MDFIC2: variants seen among roughly 807,000 people sequenced by gnomAD.
MDFIC2 encodes MyoD family inhibitor domain containing 2.
chr3:70,215,401 C>A (rs1237227468), intron 2 of MDFIC2, among the ~76,000 whole-genome samples: 1 of 152,104 alleles, frequency 6.6e-6, no homozygotes, highest in Non-Finnish European at 1.5e-5. Context: ...TGCTTTGTCC[C>A]TTCTGACTTA....
chr3:70,264,824 G>A (rs995816773), intron 2 of MDFIC2, among the ~76,000 whole-genome samples: 1 of 152,136 alleles, frequency 6.6e-6, no homozygotes, highest in Non-Finnish European at 1.5e-5. Flanking sequence ...TAGGGACATC[G>A]GGGATGTATT....
intron 3 of MDFIC2, 97 bp downstream of exon 3, chr3:70,206,472 A>G: frequency 2.5e-6 from 1 of 395,812 alleles, no homozygotes; most frequent in Non-Finnish European, 4.5e-6. Flanking sequence ...TAATATTCAT[A>G]AGGACTTTTT....
chr3:70,274,092 C>CGT (rs1260177672), intron 2 of MDFIC2, among the ~76,000 whole-genome samples: 19 of 138,428 alleles, frequency 1.4e-4, no homozygotes, highest in South Asian at 2.6e-4. Flanking sequence ...TGTGTGTGTG[C>CGT]GCGCGCGCAT....
At chr3:70,302,072 T>C (rs1054509316) in intron 2 of MDFIC2, among the ~76,000 whole-genome samples, 2 of 152,158 alleles carry the variant, frequency 1.3e-5, no homozygotes, top group African/African-American at 4.8e-5. Flanking sequence ...ACTATACTTC[T>C]ATGAGTTGTC....
At chr3:70,227,967 T>C (rs564547329) in intron 2 of MDFIC2, among the ~76,000 whole-genome samples, 1 of 151,838 alleles carries the variant, frequency 6.6e-6, no homozygotes, top group South Asian at 2.1e-4. Flanking sequence ...ATAACATTCA[T>C]AGTAAGTATA....
At chr3:70,200,297 C>A (rs949459285) in intron 3 of MDFIC2, among the ~76,000 whole-genome samples, 1 of 152,174 alleles carries the variant, frequency 6.6e-6, no homozygotes, top group African/African-American at 2.4e-5. Context: ...ACAACTCACT[C>A]TCCCCTTAGA....
rs554534040 is a variant in MDFIC2, at chr3:70,259,994, A to G, written c.88+51892T>C. ...TGAGAACCCACTCACTATCACGAGA[A>G]CAGCGTGATCCAATTACCTCTATCT... On this transcript the variant is annotated intron_variant, in intron 2 of 3. Coordinates refer to ENST00000567252, the MANE Select transcript of MDFIC2 (RefSeq NM_001364677.1). Among the ~76,000 whole-genome samples, 23 of 152,290 alleles carry G rather than the reference A, an allele frequency of 1.5e-4. 1 individual carries two copies. In the East Asian group the frequency reaches 3.5e-3, roughly 23 times the overall value.
At chr3:70,215,257 C>T (rs1285253980) in intron 2 of MDFIC2, among the ~76,000 whole-genome samples, 1 of 152,056 alleles carries the variant, frequency 6.6e-6, no homozygotes, top group Admixed American at 6.6e-5. Context: ...CAAGATTACC[C>T]CGCTGGTAAG....
rs115911111 is a variant in MDFIC2 at position 70,229,266 on chromosome 3, G to A, written c.89-22476C>T. 6.5e-3 allele frequency among the ~76,000 whole-genome samples: 984 copies of A among 152,298 alleles called. 6 individuals are homozygous for A. Among genetic ancestry groups the A allele is most frequent in the African/African-American group, 0.023 (937 of 41,566 alleles). On this transcript the variant is annotated intron_variant, in intron 2 of 3. Transcript: ENST00000567252. ...TTCCAGAGATAGCCAAGGAGGGTGA[G>A]TGTGTGAAAGAATTTAGTGGGCAAC... is the stretch of plus-strand genomic sequence containing the variant.
intron 2 of MDFIC2, among the ~76,000 whole-genome samples, chr3:70,295,083 G>A (rs953519910): frequency 6.6e-6 from 1 of 152,124 alleles, no homozygotes; most frequent in African/African-American, 2.4e-5. Flanking sequence ...ATTGGCAAGG[G>A]CAGTGGGACC....
At chr3:70,310,469 G>A (rs1043138673) in intron 2 of MDFIC2, among the ~76,000 whole-genome samples, 1 of 151,894 alleles carries the variant, frequency 6.6e-6, no homozygotes, top group South Asian at 2.1e-4. Flanking sequence ...CAGTTCAAGC[G>A]ATTATCCTGC....
At chr3:70,233,753 T>A (rs987841320) in intron 2 of MDFIC2, among the ~76,000 whole-genome samples, 2 of 152,166 alleles carry the variant, frequency 1.3e-5, no homozygotes, top group Non-Finnish European at 2.9e-5. Flanking sequence ...AGTTTGTACC[T>A]TTTTTTGGTC....
intron 2 of MDFIC2, among the ~76,000 whole-genome samples, chr3:70,238,495 C>T (rs1284376366): frequency 1.3e-5 from 2 of 151,790 alleles, no homozygotes; most frequent in African/African-American, 2.4e-5. Flanking sequence ...TGCCTGTGGT[C>T]TCAGCTACTT....
chr3:70,284,096 T>A (rs1702116683), intron 2 of MDFIC2, among the ~76,000 whole-genome samples: 1 of 152,158 alleles, frequency 6.6e-6, no homozygotes, highest in Non-Finnish European at 1.5e-5. Context: ...CTGGTTTTCA[T>A]GAGTGCAACT....
chr3:70,311,068 T>A (rs1284040396), intron 2 of MDFIC2, among the ~76,000 whole-genome samples: 3 of 152,222 alleles, frequency 2.0e-5, no homozygotes, highest in African/African-American at 7.2e-5. Context: ...TTGTTATCAT[T>A]ATTTTGGTGT....
At chr3:70,257,771 A>C (rs1190429206) in intron 2 of MDFIC2, among the ~76,000 whole-genome samples, 1 of 152,208 alleles carries the variant, frequency 6.6e-6, no homozygotes, top group Non-Finnish European at 1.5e-5. Flanking sequence ...AATCCCAATA[A>C]AAATCCCAGC....
Position 70,195,624 on chromosome 3 carries a change from A to G in MDFIC2, c.*1302T>C, listed in dbSNP as rs1412589457. Among the ~76,000 whole-genome samples the G allele has an allele frequency of 6.6e-6, 1 of 152,196 alleles. No individual in the cohort carries two copies. The highest frequency in any genetic ancestry group is 1.5e-5 in the Non-Finnish European group (1 of 68,034). On this transcript the variant is annotated 3_prime_UTR_variant, in exon 4 of 4. Transcript: ENST00000567252. ...TGTTGTTGCTGTTTCCCTAAATTACACACAAAAAAATTCCCTCAATTCTCC... is the reference window on the plus strand; with the variant it reads ...TGTTGTTGCTGTTTCCCTAAATTACGCACAAAAAAATTCCCTCAATTCTCC...
chr3:70,310,758 A>C (rs1208034987), intron 2 of MDFIC2, among the ~76,000 whole-genome samples: 1 of 152,196 alleles, frequency 6.6e-6, no homozygotes, highest in African/African-American at 2.4e-5. Context: ...TGTTGATTTC[A>C]ACACTGTAGG....
chr3:70,283,645 T>G (rs1021763001), intron 2 of MDFIC2: 13 of 152,000 alleles, frequency 8.6e-5, no homozygotes, highest in African/African-American at 3.1e-4. Context: ...CATGCTGGGG[T>G]CAGGCTTTTG....
Sources: gnomAD v4.1 joint callset for allele counts (sites outside exome capture counted in the v4.1 genomes callset) on GRCh38, gnomAD v4.1.1 for gene constraint, MANE v1.5 for transcripts, NCBI Gene and HGNC (gene_info 2026-07-23, HGNC 2026-07-21) for gene names.